PKHD1L1: variants seen among roughly 807,000 people sequenced by gnomAD.
The protein encoded by PKHD1L1 is PKHD1 like 1, also known as fibrocystin-L.
A neutral mutation model predicts 462.9 loss-of-function variants in PKHD1L1; 434 were observed. That is an observed-to-expected ratio of 0.94 (90% CI 0.87 to 1.02). The LOEUF (loss-of-function observed/expected upper bound fraction) is 1.02, where lower values mean the gene tolerates loss of function less well. PKHD1L1 is among the 50% of genes least tolerant of loss of function. The pLI is 0.00. For synonymous variants in PKHD1L1, 1,781 were observed against 1,750.0 expected, an observed-to-expected ratio of 1.02 and a Z score of -0.44; for missense variants, 5,202 against 5,096.1, an observed-to-expected ratio of 1.02 and a Z score of -0.63.
chr8:109,410,550 A>G (rs541213960), intron 19 of PKHD1L1, among the ~76,000 whole-genome samples: 19 of 151,998 alleles, frequency 1.3e-4, no homozygotes, highest in African/African-American at 4.1e-4. Flanking sequence ...TGAGAACAGC[A>G]CCGATGGGAT....
In PKHD1L1 at chr8:109,465,123, A is replaced by C. The variant is rs118074609; in HGVS notation, c.8291A>C (p.Asn2764Thr). The change falls in exon 49 of 78, where the codon AAT (asparagine) becomes ACT (threonine). Residue 2764 changes from asparagine to threonine, a missense_variant. Physicochemically the swap from Asn to Thr is moderately conservative, Grantham distance 65. Transcript: ENST00000378402. ...LGVTSISGVC[N>T]DRCGGWSAKF... ...GTGACATCCATCTCTGGAGTTTGTA[A>C]TGACAGATGTGGGGGTTGGAGTGCA... The C allele has an allele frequency of 4.9e-3, 7,879 of 1,613,790 alleles. 31 individuals are homozygous for C. Among genetic ancestry groups the C allele is most frequent in the Non-Finnish European group, 5.6e-3 (6,595 of 1,179,768 alleles).
chr8:109,467,281 G>A (rs1229460740), intron 50 of PKHD1L1, among the ~76,000 whole-genome samples: 3 of 152,078 alleles, frequency 2.0e-5, no homozygotes, highest in African/African-American at 7.2e-5. Context: ...TCTGGCATTT[G>A]CACCAGCCAA....
At chr8:109,427,316 A>G (rs1348758607) in intron 25 of PKHD1L1, among the ~76,000 whole-genome samples, 160 bp downstream of exon 25, 2 of 152,126 alleles carry the variant, frequency 1.3e-5, no homozygotes, top group Non-Finnish European at 1.5e-5. Context: ...GTTTTTTTCT[A>G]AATTAAGCTG....
In PKHD1L1 at chr8:109,465,246, G is replaced by T. The variant is rs200333768; in HGVS notation, c.8413+1G>T. 1 of 1,604,384 alleles carries T rather than the reference G, an allele frequency of 6.2e-7. No homozygotes were observed. The highest frequency in any genetic ancestry group is 8.5e-7 in the Non-Finnish European group (1 of 1,175,034). On this transcript the variant is annotated splice_donor_variant, in intron 49 of 77. Coordinates refer to ENST00000378402, the MANE Select transcript of PKHD1L1 (RefSeq NM_177531.6). LOFTEE classifies it high-confidence loss of function. ...ATTGATGTTGATGGCTCACTTACAG[G>T]TAATGTTATTTTTTAATTTGTGATA...
In PKHD1L1 at chr8:109,507,844, A is replaced by G; in HGVS notation, c.11176A>G (p.Thr3726Ala). Residue 3726 changes from threonine (T) to alanine (A), a missense_variant, in exon 69 of 78, where the codon ACA (threonine) becomes GCA (alanine). By Grantham distance (58) the Thr-to-Ala change is moderately conservative. This residue lies in a region of PKHD1L1 where 698 missense variants were observed against 736.3 expected (regional missense o/e 0.95). Transcript: ENST00000378402. ...GDYRIPKAML[T>A]FLNGSRIPVT... The stretch of plus-strand genomic sequence containing the variant: ...CTACAGAATTCCTAAGGCGATGCTC[A>G]CATTCTTGAATGGAAGTAGAATTCC... 6.2e-7 allele frequency: 1 copy of G among 1,613,586 alleles called. No individual in the cohort carries two copies. Among genetic ancestry groups the G allele is most frequent in the Non-Finnish European group, 8.5e-7 (1 of 1,179,646 alleles).
Position 109,362,484 on chromosome 8 carries a change from A to C in PKHD1L1, c.-97A>C. The C allele has an allele frequency of 1.6e-6, 2 of 1,253,784 alleles. No individual in the cohort carries two copies. Among genetic ancestry groups the C allele is most frequent in the Non-Finnish European group, 2.3e-6 (2 of 882,952 alleles). 77.7% of individuals were successfully genotyped at this position (1,253,784 alleles called of 1,614,324 possible). A position where few individuals can be genotyped will look rare whatever the true frequency, so the allele number is the denominator to read the frequency against. ...CAGTTCCCCAGCTCTCCCGGGACGA[A>C]GCGGGCCCGCCAGCGAGTCGCAGTC... On this transcript the variant is annotated 5_prime_UTR_variant, in exon 1 of 78. Coordinates refer to ENST00000378402, the MANE Select transcript of PKHD1L1 (RefSeq NM_177531.6).
At position 109,385,544 on chromosome 8, in the gene PKHD1L1, A is replaced by G. The variant is rs370639339; in HGVS notation, c.483A>G (p.Leu161=). Residue 161 remains leucine, a synonymous_variant, in exon 6 of 78, where the codon CTA becomes CTG. Transcript: ENST00000378402. ...GTTTTTGTTTGTTTTCAGGTACACT[A>G]ATAACAATCCAAGGCAGAATCTTCA... ...ITPLSGTPGT[L]ITIQGRIFTD... The G allele has an allele frequency of 1.4e-4, 227 of 1,592,354 alleles. 2 individuals carry two copies. The Middle Eastern group carries it at 1.8e-3, about 13-fold the overall frequency.
chr8:109,522,392 T>C, intron 74 of PKHD1L1, 55 bp downstream of exon 74: 1 of 1,423,724 alleles, frequency 7.0e-7, no homozygotes, highest in Non-Finnish European at 9.5e-7. Flanking sequence ...ATATCATTAC[T>C]TATTTCTTAT....
chr8:109,531,503 TAGAG>T lies in PKHD1L1; in HGVS notation c.*1423_*1426del, dbSNP rs1185673580. ...AGAGGGAGGGGGAGAGAGAGATAGATAGAGAGAGAGAGAAAGCATGAGGTTGCTA... is the reference window on the plus strand; with the variant it reads ...AGAGGGAGGGGGAGAGAGAGATAGATAGAGAGAGAAAGCATGAGGTTGCTA... On this transcript the variant is annotated 3_prime_UTR_variant, in exon 78 of 78. Transcript: ENST00000378402. 2.0e-5 allele frequency among the ~76,000 whole-genome samples: 3 copies of T among 148,772 alleles called. No individual in the cohort carries two copies. Among genetic ancestry groups the T allele is most frequent in the South Asian group, 2.1e-4 (1 of 4,716 alleles).
At chr8:109,379,759 T>C (rs1468943086) in intron 2 of PKHD1L1, among the ~76,000 whole-genome samples, 1 of 152,224 alleles carries the variant, frequency 6.6e-6, no homozygotes, top group Non-Finnish European at 1.5e-5. Flanking sequence ...GGTCGCAATA[T>C]AGATTCCACT....
At position 109,496,902 on chromosome 8, in the gene PKHD1L1, CTA is replaced by C. The variant is rs1819116696; in HGVS notation, c.10328-13_10328-12del. ...GAAATGTAGTGTTCATTCTCTGGTT[CTA>C]TATTTCCCTCCAAGGCCAGTTTAAT... On this transcript the variant is annotated splice_polypyrimidine_tract_variant and intron_variant, in intron 63 of 77. Transcript: ENST00000378402. The C allele has an allele frequency of 6.2e-7, 1 of 1,601,236 alleles. No individual in the cohort carries two copies. The highest frequency in any genetic ancestry group is 8.5e-7 in the Non-Finnish European group (1 of 1,172,522).
chr8:109,363,638 C>T (rs2130280091), intron 1 of PKHD1L1, among the ~76,000 whole-genome samples: 1 of 152,122 alleles, frequency 6.6e-6, no homozygotes, highest in South Asian at 2.1e-4. Flanking sequence ...CACCTCTATC[C>T]ACTGTGTAGC....
At chr8:109,401,676 G>T (rs1431723249) in intron 14 of PKHD1L1, 88 bp downstream of exon 14, 4 of 624,288 alleles carry the variant, frequency 6.4e-6, no homozygotes, top group Non-Finnish European at 1.0e-5. Flanking sequence ...TATTTTTATT[G>T]GTGGAAGTGA....
intron 11 of PKHD1L1, 118 bp downstream of exon 11, chr8:109,396,255 T>G: frequency 1.4e-6 from 1 of 725,566 alleles, no homozygotes; most frequent in Non-Finnish European, 2.2e-6. Context: ...GGAAGCTGAG[T>G]ATTTTCACAT....
intron 23 of PKHD1L1, among the ~76,000 whole-genome samples, chr8:109,422,851 A>C (rs1337606951): frequency 6.6e-6 from 1 of 152,172 alleles, no homozygotes; most frequent in Non-Finnish European, 1.5e-5. Flanking sequence ...TGTACGATCC[A>C]GTTTCTGCAC....
In PKHD1L1 at chr8:109,394,448, T is replaced by A. The variant is rs73309424; in HGVS notation, c.774T>A (p.Ser258=). The A allele has an allele frequency of 6.3e-3, 9,565 of 1,530,290 alleles. 545 individuals are homozygous for A. In the African/African-American group the frequency reaches 0.12, roughly 19 times the overall value. The allele number at this position is 1,530,290 out of a possible 1,614,324, so 94.8% of individuals were successfully genotyped here. The change falls in exon 10 of 78, where the codon TCT becomes TCA. Residue 258 remains serine, a synonymous_variant. Transcript: ENST00000378402. ...CACAGAAAATGGCATATTTTGTTTCTTCTCTCAATAAAATTGCAATGTTTC... is the reference window on the plus strand; with the variant it reads ...CACAGAAAATGGCATATTTTGTTTCATCTCTCAATAAAATTGCAATGTTTC... ...SFPQKMAYFV[S]SLNKIAMFQT...
intron 45 of PKHD1L1, among the ~76,000 whole-genome samples, chr8:109,455,756 G>T (rs986419803): frequency 6.6e-6 from 1 of 151,992 alleles, no homozygotes; most frequent in Non-Finnish European, 1.5e-5. Flanking sequence ...TTATATTGAC[G>T]TCTTCCACAT....
At chr8:109,446,622 T>A (rs1816157472) in intron 38 of PKHD1L1, among the ~76,000 whole-genome samples, 1 of 152,198 alleles carries the variant, frequency 6.6e-6, no homozygotes, top group African/African-American at 2.4e-5. Context: ...ATTTGCTCAT[T>A]TTGAAAAATG....
intron 14 of PKHD1L1, among the ~76,000 whole-genome samples, chr8:109,402,031 G>A (rs1813299203): frequency 6.6e-6 from 1 of 152,110 alleles, no homozygotes; most frequent in African/African-American, 2.4e-5. Context: ...GGAAATTTAA[G>A]AATATTAAAA....
Sources: gnomAD v4.1 joint callset for allele counts (sites outside exome capture counted in the v4.1 genomes callset) on GRCh38, gnomAD v4.1.1 for gene constraint, gnomAD v4.1.1 regional missense constraint, MANE v1.5 for transcripts, NCBI Gene and HGNC (gene_info 2026-07-23, HGNC 2026-07-21) for gene names.